The following MALRD1 variants were observed in gnomAD, a reference collection of about 807,000 sequenced individuals.
The protein encoded by MALRD1 is MAM and LDL receptor class A domain containing 1.
MALRD1 carries 247 observed loss-of-function variants against 242.1 expected under a neutral mutation model. That is an observed-to-expected ratio of 1.02 (90% CI 0.92 to 1.13). The LOEUF is 1.13. MALRD1 is among the 50% of genes most tolerant of loss of function. MALRD1 has a pLI of 0.00. For synonymous variants in MALRD1, 995 were observed against 866.6 expected, an observed-to-expected ratio of 1.15 and a Z score of -2.60; for missense variants, 2,989 against 2,533.1, an observed-to-expected ratio of 1.18 and a Z score of -3.86.
At chr10:19,508,967 G>T (rs1833272751) in intron 31 of MALRD1, among the ~76,000 whole-genome samples, 1 of 152,154 alleles carries the variant, frequency 6.6e-6, no homozygotes, top group African/African-American at 2.4e-5. Context: ...GCAGCAAGAA[G>T]TGGCAAAGAT....
chr10:19,439,581 C>A (rs1025700396), intron 28 of MALRD1, among the ~76,000 whole-genome samples: 8 of 151,886 alleles, frequency 5.3e-5, no homozygotes, highest in Non-Finnish European at 1.2e-4. Context: ...GTAAATAAAA[C>A]CGGTGCAGGA....
chr10:19,144,550 A>G (rs920634300), intron 10 of MALRD1, among the ~76,000 whole-genome samples: 3 of 152,224 alleles, frequency 2.0e-5, no homozygotes, highest in African/African-American at 7.2e-5. Flanking sequence ...AGATGCTTTG[A>G]TTATTAAGAT....
intron 29 of MALRD1, among the ~76,000 whole-genome samples, chr10:19,464,158 G>A (rs1290045581): frequency 1.3e-5 from 2 of 152,152 alleles, no homozygotes; most frequent in African/African-American, 2.4e-5. Context: ...CTCCCATTCT[G>A]TAGGTTGTCT....
intron 33 of MALRD1, among the ~76,000 whole-genome samples, chr10:19,589,284 T>C (rs1042123296): frequency 1.8e-5 from 2 of 110,718 alleles, no homozygotes; most frequent in African/African-American, 6.9e-5. Flanking sequence ...ATAAATAAAG[T>C]ATGTCTATAT....
chr10:19,730,829 T>TACAAACACACACACACAC, intron 39 of MALRD1, 48 bp downstream of exon 39: 1 of 1,436,636 alleles, frequency 7.0e-7, no homozygotes. Context: ...TGCACACACA[T>TACAAACACACACACACAC]ACAAACACAC....
At chr10:19,511,198 G>A (rs1833386681) in intron 31 of MALRD1, among the ~76,000 whole-genome samples, 1 of 152,126 alleles carries the variant, frequency 6.6e-6, no homozygotes, top group South Asian at 2.1e-4. Flanking sequence ...ATTGAAAATT[G>A]AATTGTATAG....
At chr10:19,327,466 G>T in intron 22 of MALRD1, 97 bp from the exon 23 acceptor site, 3 of 847,028 alleles carry the variant, frequency 3.5e-6, no homozygotes, top group Admixed American at 2.6e-5. Flanking sequence ...TGTTGATATT[G>T]CAACTAAAAA....
intron 30 of MALRD1, among the ~76,000 whole-genome samples, chr10:19,495,317 G>A (rs1028969422): frequency 6.6e-6 from 1 of 151,626 alleles, no homozygotes; most frequent in Non-Finnish European, 1.5e-5. Flanking sequence ...AAAGAAAAAA[G>A]GTTAAAGATA....
At chr10:19,439,418 A>G (rs1406189809) in intron 28 of MALRD1, among the ~76,000 whole-genome samples, 1 of 152,014 alleles carries the variant, frequency 6.6e-6, no homozygotes, top group South Asian at 2.1e-4. Context: ...GCATCCCTGC[A>G]GTCCTGATGG....
chr10:19,689,573 A>G (rs536398828), intron 36 of MALRD1, among the ~76,000 whole-genome samples: 5 of 152,238 alleles, frequency 3.3e-5, no homozygotes, highest in Admixed American at 6.5e-5. Flanking sequence ...TTTAAAAGCA[A>G]AGAAAGATGT....
chr10:19,671,884 G>A (rs1052633061), intron 36 of MALRD1, among the ~76,000 whole-genome samples: 2 of 151,992 alleles, frequency 1.3e-5, no homozygotes, highest in Non-Finnish European at 2.9e-5. Context: ...CAGAAGATAA[G>A]GCAACCTTTC....
rs184271958 is a variant in MALRD1 at position 19,392,382 on chromosome 10, A to G, written c.4845+2773A>G. 2.5e-3 allele frequency among the ~76,000 whole-genome samples: 387 copies of G among 152,308 alleles called. 1 individual carries two copies. Among genetic ancestry groups the G allele is most frequent in the African/African-American group, 8.8e-3 (366 of 41,570 alleles). On this transcript the variant is annotated intron_variant, in intron 28 of 39. Transcript: ENST00000454679. ...CCCCAAGTGTTCCACACTGACTTTA[A>G]TATTGAAATGAAGATCCCCCTTTAT...
At chr10:19,414,026 C>G (rs1278999367) in intron 28 of MALRD1, among the ~76,000 whole-genome samples, 2 of 150,146 alleles carry the variant, frequency 1.3e-5, no homozygotes, top group African/African-American at 4.9e-5. Flanking sequence ...CTCCTTCCTT[C>G]TAAGATCAGT....
At chr10:19,433,186 T>C (rs542189001) in intron 28 of MALRD1, among the ~76,000 whole-genome samples, 13 of 152,276 alleles carry the variant, frequency 8.5e-5, no homozygotes, top group African/African-American at 3.1e-4. Context: ...TAGTAAGTGC[T>C]AAGAAGGAGA....
At chr10:19,158,745 G>A (rs1228860929) in intron 12 of MALRD1, among the ~76,000 whole-genome samples, 1 of 152,166 alleles carries the variant, frequency 6.6e-6, no homozygotes, top group African/African-American at 2.4e-5. Flanking sequence ...TTTAGTGGGG[G>A]ATACTGACAG....
intron 2 of MALRD1, among the ~76,000 whole-genome samples, chr10:19,074,038 G>A (rs534663014): frequency 2.6e-5 from 4 of 152,070 alleles, no homozygotes; most frequent in South Asian, 4.1e-4. Flanking sequence ...GTGCTCAGGC[G>A]ATGACACAGA....
intron 32 of MALRD1, among the ~76,000 whole-genome samples, chr10:19,555,559 G>A (rs1301038246): frequency 1.3e-5 from 2 of 152,104 alleles, no homozygotes; most frequent in Non-Finnish European, 2.9e-5. Context: ...AAGGGGGTTG[G>A]CAATGTAACC....
rs142038679 is a variant in MALRD1, at chr10:19,314,469, A to C, written c.3420-9480A>C. Among the ~76,000 whole-genome samples the C allele has an allele frequency of 2.1e-3, 316 of 151,748 alleles. 3 individuals carry two copies. The highest frequency in any genetic ancestry group is 7.2e-3 in the African/African-American group (298 of 41,496). Reference sequence around the variant, plus strand: ...ACATAAAGGAGGCATAGAGAAATGAAAAGGCATGATGTATTTAAGTAATTG... The same window carrying C: ...ACATAAAGGAGGCATAGAGAAATGACAAGGCATGATGTATTTAAGTAATTG... On this transcript the variant is annotated intron_variant, in intron 21 of 39. Transcript: ENST00000454679.
chr10:19,719,843 TAA>T lies in MALRD1; in HGVS notation c.6315-10852_6315-10851del, dbSNP rs200731928. Among the ~76,000 whole-genome samples, 209 of 147,224 alleles carry T rather than the reference TAA, an allele frequency of 1.4e-3. No individual in the cohort carries two copies. In the South Asian group the frequency reaches 0.015, roughly 10 times the overall value. On this transcript the variant is annotated intron_variant, in intron 38 of 39. Coordinates refer to ENST00000454679, the MANE Select transcript of MALRD1 (RefSeq NM_001142308.3). The stretch of plus-strand genomic sequence containing the variant: ...TTCCTTTTCCTCCAGATTGTTTATT[TAA>T]AAAAAAAAAATCATCTTGACAGGAA...
Sources: allele counts gnomAD v4.1 joint callset (sites outside exome capture counted in the v4.1 genomes callset), GRCh38; gene constraint gnomAD v4.1.1; transcripts MANE v1.5; gene names NCBI Gene and HGNC (gene_info 2026-07-23, HGNC 2026-07-21).